The following MTUS2 variants were observed in gnomAD, a reference collection of about 807,000 sequenced individuals.
MTUS2 encodes the protein microtubule associated scaffold protein 2.
Under a neutral mutation model 114.1 loss-of-function variants are expected in MTUS2, and 40 were observed. The observed-to-expected ratio is 0.35, with a 90% CI of 0.27 to 0.46. The LOEUF is 0.46. MTUS2 is among the 20% of genes least tolerant of loss of function. MTUS2 has a pLI of 1.00. For missense variants in MTUS2, 1,679 were observed against 1,705.4 expected, an observed-to-expected ratio of 0.98 and a Z score of 0.27; for synonymous variants, 688 against 672.0, an observed-to-expected ratio of 1.02 and a Z score of -0.37.
intron 8 of MTUS2, among the ~76,000 whole-genome samples, chr13:29,379,332 G>A (rs1228035398): frequency 2.6e-5 from 4 of 152,194 alleles, no homozygotes; most frequent in South Asian, 2.1e-4. Context: ...ACTCAGAGGG[G>A]ATGGAGAGCT....
intron 10 of MTUS2, among the ~76,000 whole-genome samples, chr13:29,487,083 T>C (rs911136635): frequency 6.6e-6 from 1 of 152,220 alleles, no homozygotes; most frequent in African/African-American, 2.4e-5. Flanking sequence ...CTAGACGTGT[T>C]CCTGCAGCTG....
chr13:29,310,393 C>A (rs1460782857), intron 6 of MTUS2, among the ~76,000 whole-genome samples: 2 of 152,138 alleles, frequency 1.3e-5, no homozygotes, highest in African/African-American at 4.8e-5. Flanking sequence ...TCGTAATTAC[C>A]ACTTCTACTT....
At position 28,893,162 on chromosome 13, in the gene MTUS2, G is replaced by T. The variant is rs541971322; in HGVS notation, c.-243+53312G>T. ...TTCTTCTTTAGGTAGACGGGAGCCA[G>T]TGAGATTTTTGAGCATGCAGTTGAT... On this transcript the variant is annotated intron_variant, in intron 2 of 15. Transcript: ENST00000612955. 1.8e-4 allele frequency among the ~76,000 whole-genome samples: 28 copies of T among 152,330 alleles called. No individual in the cohort carries two copies. In the South Asian group the frequency reaches 4.4e-3, roughly 24 times the overall value.
intron 2 of MTUS2, among the ~76,000 whole-genome samples, chr13:28,893,637 G>A (rs1879061182): frequency 6.6e-6 from 1 of 152,180 alleles, no homozygotes; most frequent in South Asian, 2.1e-4. Context: ...AGGAACAGAA[G>A]CATCCCATGA....
At chr13:28,966,084 C>T (rs945951501) in intron 2 of MTUS2, among the ~76,000 whole-genome samples, 2 of 152,054 alleles carry the variant, frequency 1.3e-5, no homozygotes, top group Non-Finnish European at 2.9e-5. Flanking sequence ...TTATATTTTC[C>T]CTACCATTGT....
intron 5 of MTUS2, among the ~76,000 whole-genome samples, chr13:29,228,133 C>A (rs1896183645): frequency 6.6e-6 from 1 of 152,174 alleles, no homozygotes; most frequent in East Asian, 1.9e-4. Flanking sequence ...ATATTTATGA[C>A]CACATGTCAT....
intron 5 of MTUS2, among the ~76,000 whole-genome samples, chr13:29,215,621 A>ACAGT (rs1305618949): frequency 3.9e-5 from 6 of 151,962 alleles, no homozygotes; most frequent in Non-Finnish European, 7.4e-5. Flanking sequence ...TTTCCTTCTA[A>ACAGT]CAGTCAGGCC....
chr13:29,236,019 C>T (rs1238782305), intron 5 of MTUS2, among the ~76,000 whole-genome samples: 1 of 152,172 alleles, frequency 6.6e-6, no homozygotes, highest in East Asian at 1.9e-4. Flanking sequence ...GTCTTCCCCT[C>T]CTATATCCAG....
intron 5 of MTUS2, among the ~76,000 whole-genome samples, chr13:29,119,680 T>A (rs1473435223): frequency 6.6e-6 from 1 of 152,158 alleles, no homozygotes; most frequent in African/African-American, 2.4e-5. Flanking sequence ...GTTCAAGTAG[T>A]CAGGGAAGAG....
intron 8 of MTUS2, among the ~76,000 whole-genome samples, chr13:29,417,646 CTAAAT>C (rs1032769166): frequency 6.6e-6 from 1 of 151,926 alleles, no homozygotes; most frequent in Non-Finnish European, 1.5e-5. Context: ...CATTGCTTTC[CTAAAT>C]TAATCAACTC....
At chr13:28,915,887 G>A (rs1203044489) in intron 2 of MTUS2, among the ~76,000 whole-genome samples, 2 of 151,854 alleles carry the variant, frequency 1.3e-5, no homozygotes, top group East Asian at 1.9e-4. Context: ...ATGTCCTGGA[G>A]CATTTCCCAT....
intron 5 of MTUS2, among the ~76,000 whole-genome samples, chr13:29,212,732 G>C (rs1195883652): frequency 1.3e-5 from 2 of 152,276 alleles, no homozygotes; most frequent in East Asian, 3.8e-4. Context: ...AGGTCCAGAG[G>C]GGTCCTGAGT....
chr13:29,034,289 G>C (rs1463344421), intron 4 of MTUS2, among the ~76,000 whole-genome samples, 164 bp downstream of exon 4: 1 of 152,164 alleles, frequency 6.6e-6, no homozygotes, highest in Non-Finnish European at 1.5e-5. Flanking sequence ...AAACTCATCT[G>C]TGTGCAACTG....
chr13:29,246,378 A>G (rs1369240802), intron 5 of MTUS2, among the ~76,000 whole-genome samples: 1 of 152,218 alleles, frequency 6.6e-6, no homozygotes, highest in African/African-American at 2.4e-5. Context: ...CCCCAGAAGC[A>G]GAAGAGGCCC....
intron 9 of MTUS2, among the ~76,000 whole-genome samples, chr13:29,474,319 T>C (rs1880533765): frequency 6.6e-6 from 1 of 152,210 alleles, no homozygotes; most frequent in Admixed American, 6.5e-5. Context: ...TGAATCGTCC[T>C]ATCACTGACA....
chr13:29,307,120 G>A, intron 6 of MTUS2: 1 of 475,252 alleles, frequency 2.1e-6, no homozygotes, highest in Non-Finnish European at 4.0e-6. Context: ...CTTGCAGGGA[G>A]GAGCCAAAAG....
chr13:29,329,194 C>G (rs918825104), intron 7 of MTUS2, among the ~76,000 whole-genome samples: 2 of 152,074 alleles, frequency 1.3e-5, no homozygotes, highest in Non-Finnish European at 1.5e-5. Context: ...AGGTTTGTTA[C>G]ATAGGTGTAC....
chr13:28,858,612 C>G lies in MTUS2; in HGVS notation c.-243+18762C>G, dbSNP rs186620276. On this transcript the variant is annotated intron_variant, in intron 2 of 15. Coordinates refer to ENST00000612955, the MANE Select transcript of MTUS2 (RefSeq NM_001033602.4). ...CCACCATCTATCCCCCACCCTCAAA[C>G]TTAGCACTTAGAGAGGGGACATATA... 5.9e-5 allele frequency among the ~76,000 whole-genome samples: 9 copies of G among 152,278 alleles called. No homozygotes were observed. The East Asian group carries it at 1.2e-3, about 20-fold the overall frequency.
chr13:29,198,885 T>C (rs552793220), intron 5 of MTUS2, among the ~76,000 whole-genome samples: 56 of 152,258 alleles, frequency 3.7e-4, no homozygotes, highest in African/African-American at 1.3e-3. Flanking sequence ...TATTGATGTA[T>C]AGGAACGCTT....
Sources: allele counts gnomAD v4.1 joint callset (sites outside exome capture counted in the v4.1 genomes callset), GRCh38; gene constraint gnomAD v4.1.1; transcripts MANE v1.5; gene names NCBI Gene and HGNC (gene_info 2026-07-23, HGNC 2026-07-21).